Variants in ZNF208 observed in about 807,000 individuals in gnomAD.
ZNF208 encodes the protein zinc finger protein 95.
ZNF208 carries 10 observed loss-of-function variants against 12.1 expected under a neutral mutation model. The ratio of observed to expected loss-of-function variants is 0.83; its 90% CI spans 0.51 to 1.40. ZNF208 has a LOEUF of 1.40. Among genes scored for constraint, ZNF208 ranks in the 40% most tolerant of loss-of-function variants. ZNF208 has a pLI of 0.00. For synonymous variants in ZNF208, 497 were observed against 488.4 expected (o/e 1.02, Z -0.23); for missense variants, 1,652 against 1,485.0 (o/e 1.11, Z -1.85).
chr19:21,985,400 A>G (rs1182499801), intron 3 of ZNF208, among the ~76,000 whole-genome samples: 1 of 152,160 alleles, frequency 6.6e-6, no homozygotes, highest in East Asian at 1.9e-4. Flanking sequence ...TATGTAGTGA[A>G]ACCCCATCTC....
chr19:21,971,717 A>G lies in ZNF208; in HGVS notation c.3317T>C (p.Ile1106Thr), dbSNP rs940994432. The G allele has an allele frequency of 3.7e-6, 6 of 1,613,580 alleles. No homozygotes were observed. Among genetic ancestry groups the G allele is most frequent in the Non-Finnish European group, 5.1e-6 (6 of 1,179,914 alleles). ...WSSNLMEHKR[I>T]HTGEKPYKCE... ...TTTGTAGGGTTTCTCTCCAGTATGA[A>G]TTCTCTTATGTTCCATAAGGTTTGA... The change falls in exon 4 of 4, where the codon ATT (isoleucine) becomes ACT (threonine). Residue 1106 changes from isoleucine (I) to threonine (T), a missense_variant. By Grantham distance (89) the Ile-to-Thr change is moderately conservative. Transcript: ENST00000397126.
chr19:21,957,324 C>A (rs570692254), intron 4 of ZNF208, among the ~76,000 whole-genome samples: 30 of 152,334 alleles, frequency 2.0e-4, no homozygotes, highest in African/African-American at 6.3e-4. Flanking sequence ...AGGCTTGAGG[C>A]ACCATGCCCA....
intron 4 of ZNF208, among the ~76,000 whole-genome samples, chr19:21,946,339 C>A (rs1969815513): frequency 6.6e-6 from 1 of 152,108 alleles, no homozygotes; most frequent in Non-Finnish European, 1.5e-5. Context: ...CAGGCCAAGG[C>A]CCCAGGCAAA....
In ZNF208 at chr19:21,973,958, T is replaced by A; in HGVS notation, c.1076A>T (p.His359Leu). The change falls in exon 4 of 4, where the codon CAT becomes CTT. Residue 359 changes from histidine (H) to leucine (L), a missense_variant. By Grantham distance (99) the His-to-Leu change is moderately conservative. Transcript: ENST00000397126. ...TTTCTCTCCAGTATGAATTACCTTA[T>A]GTTTAGTAAGGATTGAGAACTTACT... ...AFSKFSILTK[H>L]KVIHTGEKPY... 6.2e-7 allele frequency: 1 copy of A among 1,613,564 alleles called. No individual in the cohort carries two copies. The highest frequency in any genetic ancestry group is 2.2e-5 in the East Asian group (1 of 44,836).
chr19:22,010,583 A>G (rs576678750), intron 1 of ZNF208, among the ~76,000 whole-genome samples: 1 of 152,338 alleles, frequency 6.6e-6, no homozygotes, highest in South Asian at 2.1e-4. Context: ...GCACAATCAC[A>G]GCGCAGGGAA....
At position 21,973,774 on chromosome 19, in the gene ZNF208, A is replaced by G. The variant is rs374360141; in HGVS notation, c.1260T>C (p.Thr420=). The G allele has an allele frequency of 6.8e-6, 11 of 1,606,102 alleles. No homozygotes were observed. The highest frequency in any genetic ancestry group is 2.7e-5 in the African/African-American group (2 of 74,738). The change falls in exon 4 of 4, where the codon ACT becomes ACC. Residue 420 remains threonine, a synonymous_variant. Transcript: ENST00000397126. ...CTTCACATTTGTAGGGTTTCTCTCC[A>G]GTATGAATGACCTCATGTTTAGTAA... ...SILTKHEVIH[T]GEKPYKCEEC... is the part of the protein sequence containing the mutation.
At chr19:21,960,288 TC>T (rs1048861152) in intron 4 of ZNF208, among the ~76,000 whole-genome samples, 4 of 152,040 alleles carry the variant, frequency 2.6e-5, no homozygotes, top group Non-Finnish European at 4.4e-5. Context: ...ATTGTTTCAA[TC>T]AGCCAAAATA....
chr19:21,982,509 A>AC (rs1970561300), intron 3 of ZNF208, among the ~76,000 whole-genome samples: 1 of 152,098 alleles, frequency 6.6e-6, no homozygotes, highest in African/African-American at 2.4e-5. Context: ...TAGAAAAAAA[A>AC]CCGCTTTAAA....
chr19:21,944,584 T>TA (rs1301694007), intron 4 of ZNF208, among the ~76,000 whole-genome samples: 2 of 152,282 alleles, frequency 1.3e-5, no homozygotes, highest in African/African-American at 2.4e-5. Flanking sequence ...AAAAAATACT[T>TA]ACAGCTACCG....
chr19:21,972,784 T>C lies in ZNF208; in HGVS notation c.2250A>G (p.Lys750=). 2 of 1,611,892 alleles carry C rather than the reference T, an allele frequency of 1.2e-6. No homozygotes were observed. The highest frequency in any genetic ancestry group is 1.7e-6 in the Non-Finnish European group (2 of 1,179,826). ...KVIHTGEKPY[K]CEECGKAYKW... ...TATAGGCTTTGCCACATTCTTCACA[T>C]TTGTAGGGTTTCTCTCCAGTATGAA... Residue 750 remains lysine (K), a synonymous_variant, in exon 4 of 4, where the codon AAA becomes AAG. Coordinates refer to ENST00000397126, the MANE Select transcript of ZNF208 (RefSeq NM_007153.3).
intron 1 of ZNF208, among the ~76,000 whole-genome samples, chr19:21,991,975 A>G (rs992324219): frequency 6.6e-5 from 10 of 152,178 alleles, no homozygotes; most frequent in African/African-American, 1.9e-4. Context: ...TTTGGCCCAA[A>G]AAGACTATTT....
At chr19:21,965,034 T>C (rs1970139552), downstream of ZNF208, among the ~76,000 whole-genome samples, 1 of 151,962 alleles carries the variant, frequency 6.6e-6, no homozygotes, top group Admixed American at 6.6e-5. Context: ...AAGATCTGTA[T>C]GTTTAAGATT....
chr19:21,941,916 T>C (rs945712235), intron 4 of ZNF208, among the ~76,000 whole-genome samples: 3 of 152,182 alleles, frequency 2.0e-5, no homozygotes, highest in Non-Finnish European at 4.4e-5. Context: ...AAAAACTTTA[T>C]TATGTTTTAG....
At chr19:21,957,999 T>C (rs182438222) in intron 4 of ZNF208, among the ~76,000 whole-genome samples, 3 of 151,792 alleles carry the variant, frequency 2.0e-5, no homozygotes, top group African/African-American at 7.3e-5. Context: ...CACCACCCCA[T>C]AACAGCCCCC....
intron 1 of ZNF208, among the ~76,000 whole-genome samples, chr19:22,007,505 C>CAAAAAA (rs58769307): frequency 3.2e-5 from 2 of 62,560 alleles, no homozygotes; most frequent in Non-Finnish European, 5.2e-5. Context: ...ACTCTGTCTC[C>CAAAAAA]AAAAAAAAAA....
chr19:22,010,939 A>C lies in ZNF208; in HGVS notation c.-145T>G. The C allele has an allele frequency of 8.0e-7, 1 of 1,249,306 alleles. No individual in the cohort carries two copies. The highest frequency in any genetic ancestry group is 1.2e-6 in the Non-Finnish European group (1 of 866,964). The allele number at this position is 1,249,306 out of a possible 1,614,324, so 77.4% of individuals were successfully genotyped here. A position where few individuals can be genotyped will look rare whatever the true frequency, so the allele number is the denominator to read the frequency against. On this transcript the variant is annotated 5_prime_UTR_variant, in exon 1 of 4. Coordinates refer to ENST00000397126, the MANE Select transcript of ZNF208 (RefSeq NM_007153.3). ...TTGACCTCCGGCTGCAGCGAGAGAC[A>C]AAGGACCGACCACATCCCGGAAGCC...
rs753197977 is a variant in ZNF208 at position 21,966,601 on chromosome 19, T to G, written c.*4590A>C. On this transcript the variant is annotated 3_prime_UTR_variant, in exon 4 of 4. Transcript: ENST00000397126. The stretch of plus-strand genomic sequence containing the variant: ...GGTGTCTCTTTGGCAAAATTATTTA[T>G]TCTTTTTGGGGGCAGATATCCAGTA... 6.6e-6 allele frequency: 1 copy of G among 152,158 alleles called. No homozygotes were observed. Among genetic ancestry groups the G allele is most frequent in the Non-Finnish European group, 1.5e-5 (1 of 68,004 alleles). 9.4% of individuals were successfully genotyped at this position (152,158 alleles called of 1,614,324 possible).
At chr19:22,002,053 T>C (rs999339751) in intron 1 of ZNF208, among the ~76,000 whole-genome samples, 1 of 151,790 alleles carries the variant, frequency 6.6e-6, no homozygotes, top group Non-Finnish European at 1.5e-5. Context: ...CATACAGAAA[T>C]CAATAAATGT....
At chr19:21,947,341 G>A (rs1969830222) in intron 4 of ZNF208, among the ~76,000 whole-genome samples, 1 of 152,110 alleles carries the variant, frequency 6.6e-6, no homozygotes, top group African/African-American at 2.4e-5. Context: ...TATGAGACAA[G>A]TTCATTTTTG....
Sources: allele counts gnomAD v4.1 joint callset (sites outside exome capture counted in the v4.1 genomes callset), GRCh38; gene constraint gnomAD v4.1.1; transcripts MANE v1.5; gene names NCBI Gene and HGNC (gene_info 2026-07-23, HGNC 2026-07-21).